Variants in APBA1 observed in about 807,000 individuals in gnomAD.
The protein encoded by APBA1 is amyloid-beta A4 precursor protein-binding family A member 1.
Under a neutral mutation model 86.6 loss-of-function variants are expected in APBA1, and 55 were observed. The observed-to-expected ratio is 0.64, with a 90% CI of 0.51 to 0.80. The LOEUF (loss-of-function observed/expected upper bound fraction) is 0.80, where lower values mean the gene tolerates loss of function less well. APBA1 is among the 30% of genes least tolerant of loss of function. The pLI is 0.00. For missense variants in APBA1, 1,090 were observed against 1,183.0 expected (o/e 0.92, Z 1.15); for synonymous variants, 511 against 493.9 (o/e 1.03, Z -0.46).
chr9:69,472,998 A>G (rs544976092), intron 3 of APBA1, among the ~76,000 whole-genome samples: 41 of 152,342 alleles, frequency 2.7e-4, no homozygotes, highest in African/African-American at 8.4e-4. Flanking sequence ...TAATCACACA[A>G]TAATACATTG....
In APBA1 at chr9:69,431,141, GAAAA is replaced by G. The variant is rs772262179; in HGVS notation, c.*182_*185del. ...GTGCATACGAAACTTCCCTGGTATT[GAAAA>G]AAAAAAAAAAAAAAAAGCAAATCGG... On this transcript the variant is annotated 3_prime_UTR_variant, in exon 13 of 13. Coordinates refer to ENST00000265381, the MANE Select transcript of APBA1 (RefSeq NM_001163.4). 4,107 of 281,568 alleles carry G rather than the reference GAAAA, an allele frequency of 0.015. No individual in the cohort carries two copies. Among genetic ancestry groups the G allele is most frequent in the Non-Finnish European group, 0.016 (2,665 of 162,806 alleles). 17.4% of individuals were successfully genotyped at this position (281,568 alleles called of 1,614,324 possible). A position where few individuals can be genotyped will look rare whatever the true frequency, so the allele number is the denominator to read the frequency against.
At chr9:69,452,422 C>T in intron 8 of APBA1, 121 bp from the exon 9 acceptor site, 1 of 924,240 alleles carries the variant, frequency 1.1e-6, no homozygotes, top group South Asian at 1.7e-5. Context: ...AGACATCACG[C>T]CTGCTGGGCC....
intron 1 of APBA1, among the ~76,000 whole-genome samples, chr9:69,579,409 TTAACTA>T (rs1304289675): frequency 6.6e-6 from 1 of 152,218 alleles, no homozygotes; most frequent in African/African-American, 2.4e-5. Flanking sequence ...TATGCGGACT[TTAACTA>T]TAGGAGGAAT....
At chr9:69,519,479 A>G (rs527351347) in intron 1 of APBA1, among the ~76,000 whole-genome samples, 1 of 152,366 alleles carries the variant, frequency 6.6e-6, no homozygotes, top group African/African-American at 2.4e-5. Flanking sequence ...AGTTGCCTTC[A>G]TAAGGACTTT....
intron 1 of APBA1, among the ~76,000 whole-genome samples, chr9:69,539,260 C>G (rs1836560747): frequency 6.6e-6 from 1 of 152,236 alleles, no homozygotes; most frequent in East Asian, 1.9e-4. Context: ...TTAGACATAA[C>G]TGTGCCTCCT....
intron 1 of APBA1, among the ~76,000 whole-genome samples, chr9:69,569,442 CGTGTGA>C (rs775784282): frequency 9.1e-6 from 1 of 110,494 alleles, no homozygotes; most frequent in Admixed American, 1.2e-4. Context: ...TTGGTTGTCA[CGTGTGA>C]GTGTGTGTGT....
In APBA1 at chr9:69,429,211, T is replaced by C. The variant is rs1453838673; in HGVS notation, c.*2116A>G. ...AATACCACCAGTAACACTTCATTCC[T>C]GTTCTATCCACTCTTATTGGCAGAG... is the stretch of plus-strand genomic sequence containing the variant. On this transcript the variant is annotated 3_prime_UTR_variant, in exon 13 of 13. Transcript: ENST00000265381. The C allele has an allele frequency of 1.3e-5, 2 of 152,246 alleles. No homozygotes were observed. Among genetic ancestry groups the C allele is most frequent in the African/African-American group, 4.8e-5 (2 of 41,464 alleles). The allele number at this position is 152,246 out of a possible 1,614,324, so 9.4% of individuals were successfully genotyped here.
At chr9:69,646,203 C>T (rs529331331) in intron 1 of APBA1, among the ~76,000 whole-genome samples, 1 of 152,130 alleles carries the variant, frequency 6.6e-6, no homozygotes, top group South Asian at 2.1e-4. Flanking sequence ...ATTTGTTGCA[C>T]CCACAAGAAA....
At chr9:69,551,599 C>T (rs1455346110) in intron 1 of APBA1, among the ~76,000 whole-genome samples, 1 of 151,764 alleles carries the variant, frequency 6.6e-6, no homozygotes, top group African/African-American at 2.4e-5. Flanking sequence ...TAAACATTAG[C>T]TTATGGAATT....
rs1186003581 is a variant in APBA1 at position 69,448,829 on chromosome 9, TGGA to T, written c.2181+752_2181+754del. Among the ~76,000 whole-genome samples, 22 of 152,334 alleles carry T rather than the reference TGGA, an allele frequency of 1.4e-4. No individual in the cohort carries two copies. In the East Asian group the frequency reaches 2.5e-3, roughly 17 times the overall value. On this transcript the variant is annotated intron_variant, in intron 10 of 12. Coordinates refer to ENST00000265381, the MANE Select transcript of APBA1 (RefSeq NM_001163.4). ...CTACTGGGGTCTACAGATGCCATCATGGAGGAGGAACATCCTGGTCACACTGGC... is the reference window on the plus strand; with the variant it reads ...CTACTGGGGTCTACAGATGCCATCATGGAGGAACATCCTGGTCACACTGGC...
At chr9:69,591,777 T>C (rs1252538492) in intron 1 of APBA1, among the ~76,000 whole-genome samples, 2 of 152,238 alleles carry the variant, frequency 1.3e-5, no homozygotes, top group Admixed American at 1.3e-4. Context: ...GCAAGGCCCC[T>C]AAGCCACTGC....
intron 1 of APBA1, among the ~76,000 whole-genome samples, chr9:69,650,876 A>G (rs1210656795): frequency 1.3e-5 from 2 of 152,220 alleles, no homozygotes; most frequent in Non-Finnish European, 1.5e-5. Flanking sequence ...AATGTCTCCA[A>G]CTAAACACAT....
Position 69,489,645 on chromosome 9 carries a change from C to T in APBA1, c.1201-13502G>A, listed in dbSNP as rs1296739882. On this transcript the variant is annotated intron_variant, in intron 2 of 12. Coordinates refer to ENST00000265381, the MANE Select transcript of APBA1 (RefSeq NM_001163.4). Reference sequence around the variant, plus strand: ...ATTTACAAGAAAAAAGCAAACAACCCCATCAAAAAGTGGGCGAAGGACATG... The same window carrying T: ...ATTTACAAGAAAAAAGCAAACAACCTCATCAAAAAGTGGGCGAAGGACATG... 1.3e-5 allele frequency among the ~76,000 whole-genome samples: 2 copies of T among 151,958 alleles called. 1 individual carries two copies. Among genetic ancestry groups the T allele is most frequent in the African/African-American group, 4.8e-5 (2 of 41,380 alleles).
At chr9:69,604,938 G>A (rs935217021) in intron 1 of APBA1, among the ~76,000 whole-genome samples, 2 of 152,238 alleles carry the variant, frequency 1.3e-5, no homozygotes, top group African/African-American at 4.8e-5. Context: ...ACACGTGAGG[G>A]TAAGTGGAGA....
Position 69,516,293 on chromosome 9 carries a change from C to T in APBA1, c.918G>A (p.Pro306=), listed in dbSNP as rs750599780. The part of the protein sequence containing the change: ...AEQDLERPPT[P]AGGRPDSPGL... ...CGGGGCTGTCGGGGCGACCCCCGGC[C>T]GGGGTAGGGGGACGCTCCAGGTCCT... is the stretch of plus-strand genomic sequence containing the variant. The change falls in exon 2 of 13, where the codon CCG becomes CCA. Residue 306 remains proline, a synonymous_variant. Transcript: ENST00000265381. The surrounding 1 kb of genome is among the most constrained non-coding windows in gnomAD (Gnocchi z 7.3). 15 of 1,523,750 alleles carry T rather than the reference C, an allele frequency of 9.8e-6. No homozygotes were observed. Among genetic ancestry groups the T allele is most frequent in the Admixed American group, 4.1e-5 (2 of 48,968 alleles). 94.4% of individuals were successfully genotyped at this position (1,523,750 alleles called of 1,614,324 possible). A position where few individuals can be genotyped will look rare whatever the true frequency, so the allele number is the denominator to read the frequency against.
At chr9:69,541,700 TAA>T (rs1364980490) in intron 1 of APBA1, among the ~76,000 whole-genome samples, 7 of 152,106 alleles carry the variant, frequency 4.6e-5, no homozygotes, top group Non-Finnish European at 1.0e-4. Context: ...AATTACTCAA[TAA>T]GTTAGTAATA....
At chr9:69,546,150 A>G (rs1468492120) in intron 1 of APBA1, among the ~76,000 whole-genome samples, 1 of 152,208 alleles carries the variant, frequency 6.6e-6, no homozygotes, top group Admixed American at 6.5e-5. Context: ...TTTGGGGGGT[A>G]TCATTTGTAT....
At chr9:69,596,598 A>G (rs1184515393) in intron 1 of APBA1, among the ~76,000 whole-genome samples, 1 of 152,188 alleles carries the variant, frequency 6.6e-6, no homozygotes, top group Non-Finnish European at 1.5e-5. Context: ...GCATGTTATT[A>G]ATAGAAAGAA....
At chr9:69,513,681 T>C (rs542545136) in intron 2 of APBA1, among the ~76,000 whole-genome samples, 16 of 152,346 alleles carry the variant, frequency 1.1e-4, no homozygotes, top group African/African-American at 3.4e-4. Context: ...GACCCAATGC[T>C]GTCCCCTTGC....
Sources: gnomAD v4.1 joint callset for allele counts (sites outside exome capture counted in the v4.1 genomes callset) on GRCh38, gnomAD v4.1.1 for gene constraint, Gnocchi (gnomAD v3.1) non-coding constraint, MANE v1.5 for transcripts, NCBI Gene and HGNC (gene_info 2026-07-23, HGNC 2026-07-21) for gene names.